GNAO1: variants seen among roughly 807,000 people sequenced by gnomAD.
The protein encoded by GNAO1 is G protein subunit alpha o1, also known as guanine nucleotide-binding protein G(o) subunit alpha.
For missense variants in GNAO1, 166 were observed against 478.7 expected, an observed-to-expected ratio of 0.35 and a Z score of 6.10; for synonymous variants, 164 against 180.7, an observed-to-expected ratio of 0.91 and a Z score of 0.74.
chr16:56,348,050 C>G, intron 6 of GNAO1: 1 of 981,068 alleles, frequency 1.0e-6, no homozygotes, highest in Middle Eastern at 5.2e-4. Flanking sequence ...CCTCCCAACC[C>G]CATCACTGCT....
At chr16:56,258,895 C>T (rs1429129046) in intron 2 of GNAO1, among the ~76,000 whole-genome samples, 1 of 152,204 alleles carries the variant, frequency 6.6e-6, no homozygotes, top group Non-Finnish European at 1.5e-5. Context: ...CATTTCTGAC[C>T]TCAAGAGCCC....
chr16:56,300,051 GCA>G (rs2037329774), intron 3 of GNAO1, among the ~76,000 whole-genome samples: 8 of 91,550 alleles, frequency 8.7e-5, no homozygotes, highest in African/African-American at 3.4e-4. Context: ...GCGCGCGCGC[GCA>G]CGCACATGTG....
intron 6 of GNAO1, chr16:56,345,807 G>T: frequency 1.0e-6 from 1 of 985,620 alleles, no homozygotes; most frequent in Non-Finnish European, 1.2e-6. Context: ...GAGGCCAGTT[G>T]TTCCGCTTAC....
At chr16:56,197,425 A>G (rs2036243023) in intron 2 of GNAO1, among the ~76,000 whole-genome samples, 1 of 152,158 alleles carries the variant, frequency 6.6e-6, no homozygotes, top group African/African-American at 2.4e-5. Context: ...TTCCTGATGG[A>G]TGGTGCTCTC....
At chr16:56,285,914 T>C (rs1295112017) in intron 3 of GNAO1, among the ~76,000 whole-genome samples, 1 of 152,184 alleles carries the variant, frequency 6.6e-6, no homozygotes, top group Non-Finnish European at 1.5e-5. Context: ...TTGAGCCCTT[T>C]GTGGATGTAT....
At chr16:56,309,162 C>A (rs1348808399) in intron 3 of GNAO1, among the ~76,000 whole-genome samples, 1 of 152,072 alleles carries the variant, frequency 6.6e-6, no homozygotes, top group Non-Finnish European at 1.5e-5. Context: ...GCAGGGTGGG[C>A]TCCCTCTTGC....
intron 2 of GNAO1, chr16:56,194,451 C>T (rs1308913423): frequency 5.6e-6 from 2 of 354,134 alleles, no homozygotes; most frequent in Non-Finnish European, 1.1e-5. Context: ...CCCCAGCCAC[C>T]TGAGCTGGAT....
intron 2 of GNAO1, among the ~76,000 whole-genome samples, chr16:56,196,355 C>T (rs1352180946): frequency 1.3e-5 from 2 of 152,140 alleles, no homozygotes; most frequent in Non-Finnish European, 2.9e-5. Flanking sequence ...GATACAGCCT[C>T]ATCATTTTGT....
rs2037952083 is a variant in GNAO1 at position 56,354,653 on chromosome 16, G to T, written c.878-213G>T. On this transcript the variant is annotated intron_variant, in intron 7 of 8. Coordinates refer to ENST00000262493, the MANE Select transcript of GNAO1 (RefSeq NM_020988.3). This position sits in a 1 kb window ranked among gnomAD's most constrained non-coding sequence, Gnocchi z 4.3. Reference sequence around the variant, plus strand: ...ATCGTGCCATTGCACTCCAGCCTGGGCAATAAGAGCAAAACTCTGTCTCAA... The same window carrying T: ...ATCGTGCCATTGCACTCCAGCCTGGTCAATAAGAGCAAAACTCTGTCTCAA... 6.6e-6 allele frequency among the ~76,000 whole-genome samples: 1 copy of T among 152,214 alleles called. No homozygotes were observed. Among genetic ancestry groups the T allele is most frequent in the African/African-American group, 2.4e-5 (1 of 41,454 alleles).
intron 6 of GNAO1, chr16:56,340,639 G>A (rs567806913): frequency 1.3e-4 from 78 of 615,654 alleles, no homozygotes; most frequent in East Asian, 2.4e-4. Context: ...CCCTGCCTGC[G>A]TGTGGAATGA....
intron 3 of GNAO1, among the ~76,000 whole-genome samples, chr16:56,300,077 C>T (rs1231537944): frequency 1.4e-5 from 2 of 145,744 alleles, no homozygotes; most frequent in East Asian, 4.1e-4. Context: ...GTGAGTGTGT[C>T]TGTGTCCACG....
At chr16:56,217,940 T>A (rs1407972393) in intron 2 of GNAO1, among the ~76,000 whole-genome samples, 3 of 152,200 alleles carry the variant, frequency 2.0e-5, no homozygotes, top group Admixed American at 2.0e-4. Context: ...TAAAGTCCCA[T>A]AAGGGACAGA....
At chr16:56,273,245 C>T (rs1596835084) in intron 2 of GNAO1, among the ~76,000 whole-genome samples, 1 of 152,050 alleles carries the variant, frequency 6.6e-6, no homozygotes, top group South Asian at 2.1e-4. Flanking sequence ...CTCTTTGTTT[C>T]AATTTAGATA....
intron 2 of GNAO1, among the ~76,000 whole-genome samples, chr16:56,255,290 A>G (rs1445812405): frequency 3.9e-5 from 6 of 152,204 alleles, no homozygotes; most frequent in Non-Finnish European, 7.3e-5. Context: ...AGGTCAAGGA[A>G]AAATGTTCTG....
chr16:56,330,899 T>C (rs2037681964), intron 4 of GNAO1, among the ~76,000 whole-genome samples: 1 of 152,208 alleles, frequency 6.6e-6, no homozygotes, highest in African/African-American at 2.4e-5. Flanking sequence ...TTCTCTTCTG[T>C]CACTGTGGCT....
chr16:56,227,792 G>A (rs2036546234), intron 2 of GNAO1, among the ~76,000 whole-genome samples: 1 of 151,204 alleles, frequency 6.6e-6, no homozygotes, highest in South Asian at 2.1e-4. Context: ...ATTTTCCCTG[G>A]TATTATTGTT....
chr16:56,350,009 C>T lies in GNAO1; in HGVS notation c.724-1375C>T, dbSNP rs76127129. ...GTGTCACCGCGGTGTCCCCTCAGGCCAGATGAGGTTAAGTGACATGGGCAG... is the reference window on the plus strand; with the variant it reads ...GTGTCACCGCGGTGTCCCCTCAGGCTAGATGAGGTTAAGTGACATGGGCAG... On this transcript the variant is annotated intron_variant, in intron 6 of 8. Transcript: ENST00000262493. Among the ~76,000 whole-genome samples the T allele has an allele frequency of 4.0e-3, 607 of 152,320 alleles. 2 individuals carry two copies. Among genetic ancestry groups the T allele is most frequent in the African/African-American group, 0.014 (575 of 41,566 alleles).
intron 2 of GNAO1, chr16:56,213,478 G>A (rs1263684247): frequency 2.5e-6 from 1 of 395,866 alleles, no homozygotes; most frequent in East Asian, 3.6e-5. Flanking sequence ...GCATGAGCGG[G>A]AGGGAATGTT....
In GNAO1 at chr16:56,351,287, G is replaced by C; in HGVS notation, c.724-97G>C. On this transcript the variant is annotated intron_variant, in intron 6 of 8. Transcript: ENST00000262493. This position sits in a 1 kb window ranked among gnomAD's most constrained non-coding sequence, Gnocchi z 6.1. ...CTCGGAGGAGCTGCCGAGTAGCCCA[G>C]TCCCTCTCTGTCAAGCCTAATTCTC... The C allele has an allele frequency of 2.4e-6, 2 of 828,606 alleles. No individual in the cohort carries two copies. Among genetic ancestry groups the C allele is most frequent in the Non-Finnish European group, 3.9e-6 (2 of 511,870 alleles). 51.3% of individuals were successfully genotyped at this position (828,606 alleles called of 1,614,324 possible).
Sources: gnomAD v4.1 joint callset for allele counts (sites outside exome capture counted in the v4.1 genomes callset) on GRCh38, gnomAD v4.1.1 for gene constraint, Gnocchi (gnomAD v3.1) non-coding constraint, MANE v1.5 for transcripts, NCBI Gene and HGNC (gene_info 2026-07-23, HGNC 2026-07-21) for gene names.